Variants in UMAD1 observed in about 807,000 individuals in gnomAD.
UMAD1 encodes UBAP1-MVB12-associated (UMA) domain containing 1, also known as UBAP1-MVB12-associated (UMA)-domain containing protein 1.
UMAD1 carries 8 observed loss-of-function variants against 6.1 expected under a neutral mutation model. The ratio of observed to expected loss-of-function variants is 1.30; its 90% CI spans 0.76 to 2.35. The LOEUF is 2.35. UMAD1 is among the 30% of genes most tolerant of loss of function. The probability of loss-of-function intolerance (pLI) is 0.00; values close to 1 mark genes in which losing one functional copy is unlikely to be tolerated. For missense variants in UMAD1, 130 were observed against 78.4 expected (o/e 1.66, Z -2.49); for synonymous variants, 56 against 31.4 (o/e 1.78, Z -2.61).
At chr7:7,699,862 A>G (rs1320193867) in intron 2 of UMAD1, among the ~76,000 whole-genome samples, 2 of 152,236 alleles carry the variant, frequency 1.3e-5, no homozygotes, top group Non-Finnish European at 2.9e-5. Flanking sequence ...GCTCTGGGTT[A>G]TAAGTAATAC....
intron 2 of UMAD1, among the ~76,000 whole-genome samples, chr7:7,758,251 A>C (rs778689620): frequency 1.5e-4 from 23 of 151,848 alleles, no homozygotes; most frequent in Non-Finnish European, 2.2e-4. Flanking sequence ...TATTTTGAGA[A>C]CTAGAGTCGT....
At chr7:7,733,346 G>A (rs1781292852) in intron 2 of UMAD1, among the ~76,000 whole-genome samples, 1 of 151,936 alleles carries the variant, frequency 6.6e-6, no homozygotes, top group South Asian at 2.1e-4. Flanking sequence ...TTCCTTTGCT[G>A]ATCTTATTTA....
chr7:7,829,109 T>G (rs35795180), intron 3 of UMAD1, among the ~76,000 whole-genome samples: 6,089 of 152,298 alleles, frequency 0.04, 196 homozygotes, highest in East Asian at 0.15. Flanking sequence ...GTTCTTTTTC[T>G]AGCAGTTCTT....
chr7:7,724,943 C>G (rs1344059008), intron 2 of UMAD1, among the ~76,000 whole-genome samples: 1 of 152,220 alleles, frequency 6.6e-6, no homozygotes, highest in African/African-American at 2.4e-5. Flanking sequence ...AGATACCACA[C>G]TGGTCCATTA....
At chr7:7,664,212 C>T (rs2107999) in intron 1 of UMAD1, among the ~76,000 whole-genome samples, 97,171 of 151,858 alleles carry the variant, frequency 0.64, 31,488 homozygotes, top group East Asian at 0.87. Context: ...CCTACTTTTC[C>T]TTTTCTTATT....
chr7:7,833,008 A>G (rs556215559), intron 3 of UMAD1, among the ~76,000 whole-genome samples: 19 of 152,292 alleles, frequency 1.2e-4, no homozygotes, highest in African/African-American at 4.3e-4. Context: ...GGTTCAGAAA[A>G]GAGTGATTTG....
intron 3 of UMAD1, among the ~76,000 whole-genome samples, chr7:7,873,966 A>G (rs1032633851): frequency 2.0e-5 from 3 of 152,100 alleles, no homozygotes; most frequent in Admixed American, 6.6e-5. Context: ...CTGCAGATTC[A>G]AATTATATCC....
At chr7:7,722,862 C>G (rs1238730577) in intron 2 of UMAD1, among the ~76,000 whole-genome samples, 1 of 152,126 alleles carries the variant, frequency 6.6e-6, no homozygotes, top group African/African-American at 2.4e-5. Flanking sequence ...GTGGGAGGAC[C>G]CTGATGAAGC....
intron 2 of UMAD1, among the ~76,000 whole-genome samples, chr7:7,727,296 G>A (rs1781158836): frequency 1.3e-5 from 2 of 152,142 alleles, no homozygotes; most frequent in South Asian, 4.1e-4. Context: ...TGAGACATAA[G>A]ATTTATTGGC....
At chr7:7,751,342 T>TAG (rs1305945832) in intron 2 of UMAD1, among the ~76,000 whole-genome samples, 2 of 151,850 alleles carry the variant, frequency 1.3e-5, no homozygotes, top group Non-Finnish European at 2.9e-5. Context: ...TCAAGAATTG[T>TAG]AGAGAGAGAG....
intron 2 of UMAD1, among the ~76,000 whole-genome samples, chr7:7,698,654 C>G (rs1167498178): frequency 6.6e-6 from 1 of 152,086 alleles, no homozygotes. Context: ...GTGGGTGCTA[C>G]AGCCTCAGCT....
rs1781954586 is a variant in UMAD1, at chr7:7,764,820, C to T, written c.83-36850C>T. On this transcript the variant is annotated intron_variant, in intron 2 of 3. Transcript: ENST00000682710. ...CCTTTCTCTAAGCACCCTTTTTGAT[C>T]TTGGCTTCTAGAATTTCTTTGACTG... Among the ~76,000 whole-genome samples the T allele has an allele frequency of 3.3e-5, 5 of 152,096 alleles. No individual in the cohort carries two copies. In the South Asian group the frequency reaches 1.0e-3, roughly 32 times the overall value.
chr7:7,766,088 C>T (rs989485345), intron 2 of UMAD1, among the ~76,000 whole-genome samples: 1 of 152,108 alleles, frequency 6.6e-6, no homozygotes, highest in African/African-American at 2.4e-5. Flanking sequence ...GCAGATAGAA[C>T]CGAAATGTAG....
intron 2 of UMAD1, among the ~76,000 whole-genome samples, chr7:7,744,928 G>C (rs1427320488): frequency 6.6e-6 from 1 of 152,092 alleles, no homozygotes; most frequent in Non-Finnish European, 1.5e-5. Flanking sequence ...ACTGACCCCT[G>C]TGCACAGTCG....
chr7:7,850,017 T>C (rs1317294420), intron 3 of UMAD1, among the ~76,000 whole-genome samples: 3 of 152,182 alleles, frequency 2.0e-5, no homozygotes, highest in African/African-American at 4.8e-5. Context: ...TTTTTGATGA[T>C]GTTGTAGGGA....
rs539362068 is a variant in UMAD1 at position 7,672,208 on chromosome 7, TA to T, written c.-63-1100del. ...CAGGATTATTCTTTGCTTTCTCTTT[TA>T]TTTTTTTGGCTTGTAAGGAACTGTC... On this transcript the variant is annotated intron_variant, in intron 1 of 3. Transcript: ENST00000682710. Among the ~76,000 whole-genome samples the T allele has an allele frequency of 5.9e-5, 9 of 152,332 alleles. No homozygotes were observed. In the East Asian group the frequency reaches 1.5e-3, roughly 26 times the overall value.
At chr7:7,836,252 T>A (rs139800976) in intron 3 of UMAD1, among the ~76,000 whole-genome samples, 54 of 152,124 alleles carry the variant, frequency 3.5e-4, no homozygotes, top group African/African-American at 1.3e-3. Flanking sequence ...TATAAATGTC[T>A]TCAGTATATT....
At chr7:7,855,574 A>G (rs2115327904) in intron 3 of UMAD1, among the ~76,000 whole-genome samples, 1 of 152,276 alleles carries the variant, frequency 6.6e-6, no homozygotes, top group Non-Finnish European at 1.5e-5. Flanking sequence ...AAGGCTGCAC[A>G]CAGCAGGGGG....
intron 3 of UMAD1, among the ~76,000 whole-genome samples, chr7:7,834,016 C>CTTT (rs4034895): frequency 5.1e-4 from 56 of 110,466 alleles, no homozygotes; most frequent in Admixed American, 5.7e-4. Context: ...TTTTTCTTTT[C>CTTT]TTTTTTTTTT....
Sources: gnomAD v4.1 joint callset for allele counts (sites outside exome capture counted in the v4.1 genomes callset) on GRCh38, gnomAD v4.1.1 for gene constraint, MANE v1.5 for transcripts, NCBI Gene and HGNC (gene_info 2026-07-23, HGNC 2026-07-21) for gene names.